EXTL3: variants seen among roughly 807,000 people sequenced by gnomAD.
EXTL3 encodes exostosin like glycosyltransferase 3.
EXTL3 carries 27 observed loss-of-function variants against 69.3 expected under a neutral mutation model. That is an observed-to-expected ratio of 0.39 (90% CI 0.29 to 0.54). The LOEUF is 0.54. Ranked by LOEUF, EXTL3 falls within the 20% of genes least tolerant of loss-of-function variation. EXTL3 has a pLI of 0.69. For synonymous variants in EXTL3, 511 were observed against 499.4 expected, an observed-to-expected ratio of 1.02 and a Z score of -0.31; for missense variants, 1,003 against 1,231.8, an observed-to-expected ratio of 0.81 and a Z score of 2.78.
At position 28,716,212 on chromosome 8, in the gene EXTL3, C is replaced by T. The variant is rs372678243; in HGVS notation, c.153C>T (p.Leu51=). ...VFFPLIAHYY[L]TTLDEADEAG... is the part of the protein sequence containing the mutation. ...TCCCGCTCATCGCCCACTATTACCT[C>T]ACCACTCTGGATGAGGCTGATGAGG... is the stretch of plus-strand genomic sequence containing the variant. The change falls in exon 3 of 7, where the codon CTC becomes CTT. Residue 51 remains leucine (L), a synonymous_variant. Transcript: ENST00000220562. The surrounding 1 kb of genome is among the most constrained non-coding windows in gnomAD (Gnocchi z 7.1). The T allele has an allele frequency of 3.1e-6, 5 of 1,614,214 alleles. No homozygotes were observed. Among genetic ancestry groups the T allele is most frequent in the South Asian group, 2.2e-5 (2 of 91,084 alleles).
rs1806439270 is a variant in EXTL3, at chr8:28,623,054, C to A, written c.-53+244C>A. ...GCGATTGCAAGCTCGCGGTCCATGT[C>A]CCCTGCCTCGGAGTGTGGACGTGAA... On this transcript the variant is annotated intron_variant, in intron 1 of 6. Transcript: ENST00000523149. This position sits in a 1 kb window ranked among gnomAD's most constrained non-coding sequence, Gnocchi z 4.2. Among the ~76,000 whole-genome samples the A allele has an allele frequency of 6.6e-6, 1 of 152,088 alleles. No homozygotes were observed. Among genetic ancestry groups the A allele is most frequent in the South Asian group, 2.1e-4 (1 of 4,824 alleles).
chr8:28,617,328 T>C (rs557507233), intron 2 of EXTL3, among the ~76,000 whole-genome samples: 147 of 152,288 alleles, frequency 9.7e-4, no homozygotes, highest in African/African-American at 3.4e-3. Flanking sequence ...AGAAAACATA[T>C]GTGAAGTGTA....
chr8:28,716,453 A>G lies in EXTL3; in HGVS notation c.394A>G (p.Lys132Glu). ...CGCCAAGCAGGACCTGCTCCAGCTC[A>G]AGAATGTCATCAGCCAGACCGAGCA... ...ENAKQDLLQL[K>E]NVISQTEHSY... Residue 132 changes from lysine to glutamate, a missense_variant, in exon 3 of 7, where the codon AAG (lysine) becomes GAG (glutamate). By Grantham distance (56) the Lys-to-Glu change is moderately conservative. This residue lies in a region of EXTL3 where 742 missense variants were observed against 815.4 expected (regional missense o/e 0.91). Transcript: ENST00000220562. This position sits in a 1 kb window ranked among gnomAD's most constrained non-coding sequence, Gnocchi z 7.1. 1 of 1,613,672 alleles carries G rather than the reference A, an allele frequency of 6.2e-7. No individual in the cohort carries two copies. Among genetic ancestry groups the G allele is most frequent in the Non-Finnish European group, 8.5e-7 (1 of 1,179,766 alleles).
upstream of EXTL3, chr8:28,698,220 G>C (rs920091894): frequency 2.6e-5 from 4 of 152,230 alleles, no homozygotes; most frequent in African/African-American, 4.8e-5. Flanking sequence ...GATGATGCCA[G>C]GTTTTGAGTT....
upstream of EXTL3, chr8:28,697,854 A>G (rs1198363375): frequency 6.7e-5 from 10 of 150,338 alleles, no homozygotes; most frequent in East Asian, 1.6e-3. Flanking sequence ...AAAAAAAACT[A>G]CATACATGAC....
upstream of EXTL3, chr8:28,699,382 G>C (rs1380728438): frequency 6.7e-6 from 1 of 149,926 alleles, no homozygotes; most frequent in African/African-American, 2.5e-5. Context: ...ACACAAGGTA[G>C]GAGAAGGAAC....
intron 1 of EXTL3, among the ~76,000 whole-genome samples, chr8:28,659,698 A>G (rs1320093696): frequency 6.6e-6 from 1 of 152,146 alleles, no homozygotes; most frequent in African/African-American, 2.4e-5. Flanking sequence ...ACTTTCCTCA[A>G]TTTGTGCCAG....
upstream of EXTL3, among the ~76,000 whole-genome samples, chr8:28,621,374 G>A (rs1186838133): frequency 2.0e-5 from 3 of 152,142 alleles, no homozygotes; most frequent in African/African-American, 7.2e-5. Context: ...AGAGAGGCCT[G>A]AAACAATCTT....
rs117063931 is a variant in EXTL3, at chr8:28,630,541, A to G, written c.-53+7731A>G. 7.2e-5 allele frequency among the ~76,000 whole-genome samples: 11 copies of G among 152,340 alleles called. No individual in the cohort carries two copies. The East Asian group carries it at 1.9e-3, about 27-fold the overall frequency. On this transcript the variant is annotated intron_variant, in intron 1 of 6. Transcript: ENST00000523149. The stretch of plus-strand genomic sequence containing the variant: ...ACAATGGCCAGCTTTGAAACCACTT[A>G]TCAAACTCTGGAACCTTGGAAAAAT...
At chr8:28,710,417 G>A (rs987059048) in intron 1 of EXTL3, 2 of 455,346 alleles carry the variant, frequency 4.4e-6, no homozygotes, top group Admixed American at 4.7e-5. Flanking sequence ...GAGGACATGG[G>A]CAGGAAGTGT....
chr8:28,728,234 A>G (rs769401685), intron 3 of EXTL3, among the ~76,000 whole-genome samples: 12 of 152,194 alleles, frequency 7.9e-5, no homozygotes, highest in Non-Finnish European at 1.8e-4. Flanking sequence ...ATGGCCTCTT[A>G]CCATTGCTGA....
intron 1 of EXTL3, among the ~76,000 whole-genome samples, chr8:28,669,526 GA>G (rs2130638622): frequency 6.6e-6 from 1 of 152,312 alleles, no homozygotes; most frequent in South Asian, 2.1e-4. Flanking sequence ...AGAGCTTTCA[GA>G]AGTTTGAGAA....
At chr8:28,637,761 C>T (rs551563660) in intron 1 of EXTL3, among the ~76,000 whole-genome samples, 1 of 152,150 alleles carries the variant, frequency 6.6e-6, no homozygotes, top group Non-Finnish European at 1.5e-5. Context: ...CTTGTCCCAT[C>T]TCATCCATCA....
At chr8:28,680,113 C>T (rs1005592072) in intron 1 of EXTL3, among the ~76,000 whole-genome samples, 8 of 151,520 alleles carry the variant, frequency 5.3e-5, no homozygotes, top group African/African-American at 9.7e-5. Flanking sequence ...ATTCCTCAGC[C>T]GGGCTCGGTG....
upstream of EXTL3, among the ~76,000 whole-genome samples, chr8:28,622,097 G>A (rs1157498521): frequency 4.6e-5 from 7 of 152,184 alleles, no homozygotes; most frequent in Non-Finnish European, 8.8e-5. Context: ...GAGCTGACCT[G>A]TGGTTTCCCC....
intron 1 of EXTL3, among the ~76,000 whole-genome samples, chr8:28,656,562 G>A (rs981547265): frequency 6.6e-6 from 1 of 152,112 alleles, no homozygotes; most frequent in African/African-American, 2.4e-5. Flanking sequence ...TAATAAAGGG[G>A]GAAGTTTTTT....
chr8:28,631,790 A>T (rs1806573604), intron 1 of EXTL3: 1 of 152,180 alleles, frequency 6.6e-6, no homozygotes, highest in Non-Finnish European at 1.5e-5. Flanking sequence ...CCTCAATGGG[A>T]TATTAAGAGT....
intron 4 of EXTL3, among the ~76,000 whole-genome samples, chr8:28,736,124 C>T (rs1410497442): frequency 6.6e-6 from 1 of 152,082 alleles, no homozygotes; most frequent in Non-Finnish European, 1.5e-5. Context: ...CTGAACCATA[C>T]ATTTAAAAAT....
At chr8:28,669,293 T>A (rs1297135623) in intron 1 of EXTL3, among the ~76,000 whole-genome samples, 1 of 152,174 alleles carries the variant, frequency 6.6e-6, no homozygotes, top group Non-Finnish European at 1.5e-5. Flanking sequence ...TGGTAGCATG[T>A]ATCAAGGCCA....
Sources: gnomAD v4.1 joint callset for allele counts (sites outside exome capture counted in the v4.1 genomes callset) on GRCh38, gnomAD v4.1.1 for gene constraint, gnomAD v4.1.1 regional missense constraint, Gnocchi (gnomAD v3.1) non-coding constraint, MANE v1.5 for transcripts, NCBI Gene and HGNC (gene_info 2026-07-23, HGNC 2026-07-21) for gene names.